The following TACC2 variants were observed in gnomAD, a reference collection of about 807,000 sequenced individuals.
The protein encoded by TACC2 is transforming acidic coiled-coil containing protein 2.
TACC2 carries 137 observed loss-of-function variants against 227.3 expected under a neutral mutation model. That is an observed-to-expected ratio of 0.60 (90% CI 0.52 to 0.69). The LOEUF (loss-of-function observed/expected upper bound fraction) is 0.69. Ranked by LOEUF, TACC2 falls within the 30% of genes least tolerant of loss-of-function variation. The pLI, the probability that TACC2 is intolerant of heterozygous loss-of-function variation, is 0.00. For missense variants in TACC2, 3,470 were observed against 3,694.4 expected (o/e 0.94, Z 1.57); for synonymous variants, 1,523 against 1,487.5 (o/e 1.02, Z -0.55).
At chr10:122,043,560 C>CTG (rs1157682129) in intron 2 of TACC2, among the ~76,000 whole-genome samples, 70 of 94,948 alleles carry the variant, frequency 7.4e-4, no homozygotes, top group African/African-American at 1.7e-3. Flanking sequence ...CTCTGTCTCT[C>CTG]TCTCTCTCTT....
Position 122,161,395 on chromosome 10 carries a change from T to C in TACC2, c.5834+17689T>C, listed in dbSNP as rs146849556. On this transcript the variant is annotated intron_variant, in intron 7 of 22. Coordinates refer to ENST00000369005, the MANE Select transcript of TACC2 (RefSeq NM_206862.4). The stretch of plus-strand genomic sequence containing the variant: ...TTAATTTCCTTTATGGTACTATACT[T>C]GGGGGGAAATTTTTTCTTATAAATA... Among the ~76,000 whole-genome samples the C allele has an allele frequency of 4.3e-3, 648 of 152,316 alleles. 4 individuals are homozygous for C. The highest frequency in any genetic ancestry group is 7.7e-3 in the Non-Finnish European group (524 of 68,016).
chr10:122,216,262 T>TTGTC (rs939557357), intron 10 of TACC2, among the ~76,000 whole-genome samples: 40 of 152,180 alleles, frequency 2.6e-4, no homozygotes, highest in African/African-American at 9.2e-4. Flanking sequence ...GATGAGATGC[T>TTGTC]TGTCAGGTGA....
At chr10:122,230,661 G>A (rs1429687658) in intron 16 of TACC2, among the ~76,000 whole-genome samples, 1 of 152,224 alleles carries the variant, frequency 6.6e-6, no homozygotes, top group African/African-American at 2.4e-5. Context: ...TAGTAATGCT[G>A]GTTAAATGAG....
chr10:122,099,911 G>A (rs968452174), intron 5 of TACC2, among the ~76,000 whole-genome samples: 4 of 152,202 alleles, frequency 2.6e-5, no homozygotes, highest in Admixed American at 1.3e-4. Context: ...TCAATGGAGA[G>A]GATTCTGTAA....
At chr10:122,216,594 T>C (rs774878081) in intron 10 of TACC2, 33 bp from the exon 11 acceptor site, 1 of 1,602,442 alleles carries the variant, frequency 6.2e-7, no homozygotes, top group Non-Finnish European at 8.5e-7. Flanking sequence ...AAGAGTCTGA[T>C]GAGACAAGAA....
chr10:122,120,926 A>T (rs2085646962), intron 5 of TACC2, among the ~76,000 whole-genome samples: 1 of 152,106 alleles, frequency 6.6e-6, no homozygotes, highest in Non-Finnish European at 1.5e-5. Flanking sequence ...CACCATGCCC[A>T]GCTAATTTTT....
Position 122,210,466 on chromosome 10 carries a change from G to C in TACC2, c.6041G>C (p.Arg2014Pro), listed in dbSNP as rs370799288. The change falls in exon 9 of 23, where the codon CGT becomes CCT. Residue 2014 changes from arginine to proline, a missense_variant. Arg to Pro is a moderately radical substitution (Grantham distance 103). This residue lies in a region of TACC2 where 593 missense variants were observed against 636.6 expected (regional missense o/e 0.93). Transcript: ENST00000369005. This position sits in a 1 kb window ranked among gnomAD's most constrained non-coding sequence, Gnocchi z 4.6. ...RSDSVEGSPF[R>P]PPSHSFSAVF... ...GACTCGGTGGAAGGAAGTCCCTTCC[G>C]TCCCCCGTCACACTCCTTCTCTGCC... The C allele has an allele frequency of 5.6e-6, 9 of 1,613,818 alleles. No individual in the cohort carries two copies. In the African/African-American group the frequency reaches 9.3e-5, roughly 17 times the overall value.
intron 5 of TACC2, among the ~76,000 whole-genome samples, chr10:122,131,948 T>C (rs2088209794): frequency 6.6e-6 from 1 of 151,874 alleles, no homozygotes; most frequent in Non-Finnish European, 1.5e-5. Context: ...CTTGAACCCG[T>C]GAGGCGGCGG....
intron 6 of TACC2, among the ~76,000 whole-genome samples, chr10:122,140,725 G>C (rs1015082717): frequency 5.9e-5 from 9 of 152,356 alleles, no homozygotes; most frequent in Non-Finnish European, 1.0e-4. Context: ...TGCTGGTCAC[G>C]GGAGGCTTGA....
At chr10:122,184,193 G>A (rs968553422) in intron 7 of TACC2, among the ~76,000 whole-genome samples, 7 of 152,092 alleles carry the variant, frequency 4.6e-5, no homozygotes, top group Non-Finnish European at 5.9e-5. Flanking sequence ...ACTTGGAATC[G>A]GAAGGACACT....
chr10:122,110,158 T>C (rs1186842760), intron 5 of TACC2, among the ~76,000 whole-genome samples: 1 of 152,200 alleles, frequency 6.6e-6, no homozygotes, highest in African/African-American at 2.4e-5. Context: ...AACCATAGCC[T>C]GGTACTCAGG....
rs774372989 is a variant in TACC2, at chr10:122,195,203, A to G, written c.5971+27A>G. ...TAACCAAGGGCAGGGAGGCCCCCAG[A>G]CAGCCCTGTAGAGTTGTGAGCCCTG... On this transcript the variant is annotated intron_variant, in intron 8 of 22. Coordinates refer to ENST00000369005, the MANE Select transcript of TACC2 (RefSeq NM_206862.4). The G allele has an allele frequency of 1.4e-5, 22 of 1,592,486 alleles. No homozygotes were observed. In the East Asian group the frequency reaches 4.9e-4, roughly 36 times the overall value.
At chr10:122,211,835 G>T in intron 9 of TACC2, 127 bp downstream of exon 9, 1 of 718,466 alleles carries the variant, frequency 1.4e-6, no homozygotes, top group South Asian at 2.5e-5. Flanking sequence ...ATGATGCCAC[G>T]CTTACGGCCG....
At chr10:122,126,821 G>A in intron 5 of TACC2, 1 of 152,110 alleles carries the variant, frequency 6.6e-6, no homozygotes, top group East Asian at 1.9e-4. Flanking sequence ...CTGGGTTTCT[G>A]TGGCAGTTTG....
At chr10:122,253,644 C>T (rs557950274) in intron 22 of TACC2, among the ~76,000 whole-genome samples, 43 of 152,336 alleles carry the variant, frequency 2.8e-4, no homozygotes, top group Admixed American at 1.7e-3. Context: ...ACATCCTTCC[C>T]GGGCAAATAA....
At chr10:122,007,605 G>T (rs11200319) in intron 1 of TACC2, among the ~76,000 whole-genome samples, 1 of 151,954 alleles carries the variant, frequency 6.6e-6, no homozygotes, top group Non-Finnish European at 1.5e-5. Flanking sequence ...TTTAACAGTC[G>T]CCTGGTCTGT....
chr10:122,021,884 A>G, intron 1 of TACC2, 53 bp from the exon 2 acceptor site: 3 of 1,095,056 alleles, frequency 2.7e-6, no homozygotes, highest in Non-Finnish European at 4.2e-6. Context: ...GACAGAAAAA[A>G]CCTCAGATCT....
At chr10:122,030,889 C>T (rs573265318) in intron 2 of TACC2, among the ~76,000 whole-genome samples, 34 of 152,152 alleles carry the variant, frequency 2.2e-4, no homozygotes, top group African/African-American at 8.2e-4. Context: ...CCAGAGCCAC[C>T]GCGAGTCCCT....
chr10:122,167,163 A>G (rs2093220122), intron 7 of TACC2, among the ~76,000 whole-genome samples: 1 of 152,234 alleles, frequency 6.6e-6, no homozygotes, highest in Non-Finnish European at 1.5e-5. Flanking sequence ...TTCTGTTGGC[A>G]AAGTCGGCCT....
Sources: allele counts gnomAD v4.1 joint callset (sites outside exome capture counted in the v4.1 genomes callset), GRCh38; gene constraint gnomAD v4.1.1; regional missense constraint gnomAD v4.1.1; non-coding constraint Gnocchi (gnomAD v3.1); transcripts MANE v1.5; gene names NCBI Gene and HGNC (gene_info 2026-07-23, HGNC 2026-07-21).